Variants in SCCPDH observed in about 807,000 individuals in gnomAD.
SCCPDH encodes saccharopine dehydrogenase (putative).
A neutral mutation model predicts 51.5 loss-of-function variants in SCCPDH; 34 were observed. That is an observed-to-expected ratio of 0.66 (90% CI 0.50 to 0.88). The LOEUF (loss-of-function observed/expected upper bound fraction) is 0.88, where lower values mean the gene tolerates loss of function less well. SCCPDH is among the 40% of genes least tolerant of loss of function. The probability of loss-of-function intolerance (pLI) is 0.00; values close to 1 mark genes in which losing one functional copy is unlikely to be tolerated. For missense variants in SCCPDH, 464 were observed against 527.1 expected, an observed-to-expected ratio of 0.88 and a Z score of 1.17; for synonymous variants, 187 against 191.3, an observed-to-expected ratio of 0.98 and a Z score of 0.19.
At chr1:246,755,440 G>A (rs1021902316) in intron 5 of SCCPDH, 3 of 152,122 alleles carry the variant, frequency 2.0e-5, no homozygotes, top group East Asian at 3.8e-4. Context: ...ATGGTAAAGG[G>A]GCTTTTCCTA....
chr1:246,727,613 G>C (rs935222560), intron 2 of SCCPDH, among the ~76,000 whole-genome samples: 1 of 152,176 alleles, frequency 6.6e-6, no homozygotes, highest in Non-Finnish European at 1.5e-5. Flanking sequence ...CTGGCATATT[G>C]GTGTTTTTAG....
chr1:246,762,295 A>T (rs147188342), intron 9 of SCCPDH, among the ~76,000 whole-genome samples: 1 of 152,310 alleles, frequency 6.6e-6, no homozygotes, highest in African/African-American at 2.4e-5. Flanking sequence ...AGGACTTGAA[A>T]ATATTTTCTG....
At chr1:246,753,317 C>T (rs1668882577) in intron 5 of SCCPDH, among the ~76,000 whole-genome samples, 1 of 152,086 alleles carries the variant, frequency 6.6e-6, no homozygotes, top group Admixed American at 6.6e-5. Context: ...AGAAGCTCTT[C>T]TATAGGTTTA....
chr1:246,731,724 G>C (rs961146476), intron 2 of SCCPDH, among the ~76,000 whole-genome samples: 1 of 143,970 alleles, frequency 6.9e-6, no homozygotes, highest in Non-Finnish European at 1.5e-5. Context: ...TTTTGTTTTT[G>C]TTATTTTTAT....
chr1:246,735,920 A>T, intron 2 of SCCPDH, 55 bp from the exon 3 acceptor site: 1 of 1,127,012 alleles, frequency 8.9e-7, no homozygotes, highest in Non-Finnish European at 1.3e-6. Flanking sequence ...ATGGCATTTT[A>T]TTCATTTAAA....
At chr1:246,734,229 A>G (rs974942971) in intron 2 of SCCPDH, among the ~76,000 whole-genome samples, 1 of 152,218 alleles carries the variant, frequency 6.6e-6, no homozygotes, top group Non-Finnish European at 1.5e-5. Context: ...AGAAAGCTCC[A>G]AATGAGTTTT....
chr1:246,761,585 C>T (rs553669102), intron 9 of SCCPDH, among the ~76,000 whole-genome samples: 10 of 152,294 alleles, frequency 6.6e-5, no homozygotes, highest in East Asian at 3.9e-4. Context: ...CCCCGGCAAC[C>T]GCATTCCGCT....
intron 2 of SCCPDH, among the ~76,000 whole-genome samples, chr1:246,731,105 G>A (rs1381250966): frequency 1.3e-5 from 2 of 152,174 alleles, no homozygotes; most frequent in East Asian, 3.9e-4. Flanking sequence ...CAGGATTGCG[G>A]TTCTGACCTT....
chr1:246,725,567 A>G (rs879384071), intron 1 of SCCPDH, among the ~76,000 whole-genome samples: 3 of 152,156 alleles, frequency 2.0e-5, no homozygotes, highest in Non-Finnish European at 2.9e-5. Flanking sequence ...CTTTCATACA[A>G]TGCCCTGCTC....
At chr1:246,754,170 G>A (rs765784356) in intron 5 of SCCPDH, among the ~76,000 whole-genome samples, 4 of 152,030 alleles carry the variant, frequency 2.6e-5, no homozygotes, top group Non-Finnish European at 5.9e-5. Context: ...CCGAGGAAAC[G>A]CTTGGCTGCT....
chr1:246,727,092 G>A, intron 2 of SCCPDH, 88 bp downstream of exon 2: 1 of 1,115,722 alleles, frequency 9.0e-7, no homozygotes. Flanking sequence ...ACAGAGGACA[G>A]AATTGTTGGT....
At position 246,759,053 on chromosome 1, in the gene SCCPDH, C is replaced by T. The variant is rs201518244; in HGVS notation, c.715C>T (p.Arg239Trp). The change falls in exon 7 of 12, where the codon CGG becomes TGG. Residue 239 changes from arginine (R) to tryptophan (W), a missense_variant. Physicochemically the swap from Arg to Trp is moderately radical, Grantham distance 101 (BLOSUM62 -3). Transcript: ENST00000366510. ...TTGCAGGTGGCCAATTTCTTATTGTCGGGAACTCAAAGGTTATTCCATTCC... is the reference window on the plus strand; with the variant it reads ...TTGCAGGTGGCCAATTTCTTATTGTTGGGAACTCAAAGGTTATTCCATTCC... ...LKRRWPISYC[R>W]ELKGYSIPFM... The T allele has an allele frequency of 1.8e-4, 291 of 1,604,664 alleles. 1 individual carries two copies. The highest frequency in any genetic ancestry group is 2.1e-4 in the Non-Finnish European group (251 of 1,171,632).
chr1:246,760,179 GTTC>G lies in SCCPDH; in HGVS notation c.947_949del (p.Phe316del), dbSNP rs1257351857. On this transcript the variant is annotated inframe_deletion, in exon 9 of 12. Transcript: ENST00000366510. ...TTTTTTTTTCCCTTTAGTTCCCATG[GTTC>G]TTCTCCTTTGGCTATTTTTCAAAAC... is the stretch of plus-strand genomic sequence containing the variant. 2 of 1,609,490 alleles carry G rather than the reference GTTC, an allele frequency of 1.2e-6. No individual in the cohort carries two copies. The highest frequency in any genetic ancestry group is 1.3e-5 in the African/African-American group (1 of 74,484).
chr1:246,749,186 C>G (rs2102986911), intron 5 of SCCPDH, among the ~76,000 whole-genome samples: 1 of 152,316 alleles, frequency 6.6e-6, no homozygotes, highest in South Asian at 2.1e-4. Context: ...GAGAACCACC[C>G]AGGTGGAAAG....
In SCCPDH at chr1:246,726,995, C is replaced by T. The variant is rs774980542; in HGVS notation, c.294C>T (p.Cys98=). 20 of 1,604,792 alleles carry T rather than the reference C, an allele frequency of 1.2e-5. No homozygotes were observed. Among genetic ancestry groups the T allele is most frequent in the African/African-American group, 6.7e-5 (5 of 74,718 alleles). Residue 98 remains cysteine (C), a synonymous_variant, in exon 2 of 12, where the codon TGC becomes TGT. Transcript: ENST00000366510. Reference sequence around the variant, plus strand: ...AACAGGCAACAGTTGTCCTCAATTGCGTAGGACCAGTAAGTAATCAACCCT... The same window carrying T: ...AACAGGCAACAGTTGTCCTCAATTGTGTAGGACCAGTAAGTAATCAACCCT... ...MAKQATVVLN[C]VGPYRFYGEP...
At chr1:246,744,043 AT>A in intron 4 of SCCPDH, 32 bp from the exon 5 acceptor site, 1 of 1,354,990 alleles carries the variant, frequency 7.4e-7, no homozygotes, top group Non-Finnish European at 1.0e-6. Context: ...ATGTTATTTT[AT>A]TTTGCTTTTT....
rs138369602 is a variant in SCCPDH, at chr1:246,739,193, A to T, written c.385-979A>T. ...AGGGAGCATAAATTGACAGTGGAGA[A>T]ACCTGGTGAACACTGCCTCAGCCAG... On this transcript the variant is annotated intron_variant, in intron 3 of 11. Transcript: ENST00000366510. Among the ~76,000 whole-genome samples, 55 of 152,148 alleles carry T rather than the reference A, an allele frequency of 3.6e-4. 1 individual carries two copies. Among genetic ancestry groups the T allele is most frequent in the Middle Eastern group, 6.8e-3 (2 of 294 alleles).
chr1:246,765,984 C>A, intron 10 of SCCPDH, 74 bp from the exon 11 acceptor site: 1 of 950,106 alleles, frequency 1.1e-6, no homozygotes, highest in Non-Finnish European at 1.6e-6. Context: ...TAAAATCTAC[C>A]ATTTGATTTT....
At chr1:246,731,080 A>G (rs891133108) in intron 2 of SCCPDH, among the ~76,000 whole-genome samples, 1 of 152,118 alleles carries the variant, frequency 6.6e-6, no homozygotes, top group Non-Finnish European at 1.5e-5. Flanking sequence ...AAAGAAGAAG[A>G]TGAGACATGG....
Sources: allele counts gnomAD v4.1 joint callset (sites outside exome capture counted in the v4.1 genomes callset), GRCh38; gene constraint gnomAD v4.1.1; transcripts MANE v1.5; gene names NCBI Gene and HGNC (gene_info 2026-07-23, HGNC 2026-07-21).